Variants in RETREG3 observed in about 807,000 individuals in gnomAD.
RETREG3 encodes the protein reticulophagy regulator 3.
Under a neutral mutation model 50.2 loss-of-function variants are expected in RETREG3, and 23 were observed. The ratio of observed to expected loss-of-function variants is 0.46; its 90% confidence interval spans 0.33 to 0.65. The LOEUF (loss-of-function observed/expected upper bound fraction) is 0.65, where lower values mean the gene tolerates loss of function less well. RETREG3 is among the 30% of genes least tolerant of loss of function. The pLI is 0.02. For synonymous variants in RETREG3, 240 were observed against 234.4 expected, an observed-to-expected ratio of 1.02 and a Z score of -0.22; for missense variants, 546 against 598.0, an observed-to-expected ratio of 0.91 and a Z score of 0.91.
At chr17:42,604,694 C>CAAAAAAAAAAAAAA (rs1007735904) in intron 1 of RETREG3, among the ~76,000 whole-genome samples, 1 of 44,516 alleles carries the variant, frequency 2.2e-5, no homozygotes, top group Non-Finnish European at 4.6e-5. Context: ...GATTCCCCAG[C>CAAAAAAAAAAAAAA]AAAAAAAAAA....
Position 42,587,850 on chromosome 17 carries a change from C to T in RETREG3, c.361G>A (p.Ala121Thr). The T allele has an allele frequency of 6.2e-7, 1 of 1,614,110 alleles. No homozygotes were observed. Among genetic ancestry groups the T allele is most frequent in the Non-Finnish European group, 8.5e-7 (1 of 1,180,004 alleles). The part of the protein sequence containing the change: ...WPEIKVPRPD[A>T]LDNESWGFVH... ...GTTCCATACCTCTCATTGTCTAATG[C>T]GTCGGGTCTTGGCACTACAATATTA... Residue 121 changes from alanine to threonine, a missense_variant, in exon 3 of 9, where the codon GCA becomes ACA. By Grantham distance (58) the Ala-to-Thr change is moderately conservative. Transcript: ENST00000309428.
rs1446006400 is a variant in RETREG3 at position 42,582,041 on chromosome 17, G to A, written c.1173C>T (p.Ser391=). The change falls in exon 9 of 9, where the codon TCC becomes TCT. Residue 391 remains serine, a synonymous_variant. Transcript: ENST00000309428. ...ELLLGALPVG[S]NLTSNLASLV... is the part of the protein sequence containing the mutation. ...GGCTGGCAAGGTTGCTGGTGAGGTT[G>A]GATCCTACAGGAAGAGCACCAAGCA... The A allele has an allele frequency of 6.2e-7, 1 of 1,613,998 alleles. No homozygotes were observed. The highest frequency in any genetic ancestry group is 1.3e-5 in the African/African-American group (1 of 74,908).
rs1314865359 is a variant in RETREG3, at chr17:42,581,150, G to A, written c.*663C>T. The A allele has an allele frequency of 6.6e-6, 1 of 152,096 alleles. No individual in the cohort carries two copies. Among genetic ancestry groups the A allele is most frequent in the Admixed American group, 6.6e-5 (1 of 15,240 alleles). The allele number at this position is 152,096 out of a possible 1,614,324, so 9.4% of individuals were successfully genotyped here. A position where few individuals can be genotyped will look rare whatever the true frequency, so the allele number is the denominator to read the frequency against. The stretch of plus-strand genomic sequence containing the variant: ...GGCCAAGGCAGTCAGCTCACTTGAG[G>A]TCAGGAGTTTGAGACCAGCCTGGCC... On this transcript the variant is annotated 3_prime_UTR_variant, in exon 9 of 9. Transcript: ENST00000309428.
intron 2 of RETREG3, among the ~76,000 whole-genome samples, chr17:42,588,461 G>C (rs890565197): frequency 6.6e-6 from 1 of 151,526 alleles, no homozygotes; most frequent in Non-Finnish European, 1.5e-5. Context: ...CCAGGCTGGA[G>C]TGCAGTGGCG....
chr17:42,604,694 CAAAAAAAAAAA>C (rs1007735904), intron 1 of RETREG3, among the ~76,000 whole-genome samples: 9 of 44,514 alleles, frequency 2.0e-4, no homozygotes, highest in East Asian at 6.6e-4. Flanking sequence ...GATTCCCCAG[CAAAAAAAAAAA>C]AAAAAAAAAA....
At chr17:42,606,854 G>A (rs894088385) in intron 1 of RETREG3, among the ~76,000 whole-genome samples, 1 of 151,872 alleles carries the variant, frequency 6.6e-6, no homozygotes, top group African/African-American at 2.4e-5. Context: ...AAATTAGCCA[G>A]GCATTGGTGG....
At chr17:42,606,710 G>A (rs1260078631) in intron 1 of RETREG3, among the ~76,000 whole-genome samples, 1 of 152,106 alleles carries the variant, frequency 6.6e-6, no homozygotes, top group Non-Finnish European at 1.5e-5. Flanking sequence ...TCCATTTAAG[G>A]CCCGGTACAG....
rs775295149 is a variant in RETREG3 at position 42,585,131 on chromosome 17, T to C, written c.721A>G (p.Arg241Gly). 1.8e-5 allele frequency: 29 copies of C among 1,612,892 alleles called. No individual in the cohort carries two copies. In the African/African-American group the frequency reaches 2.5e-4, roughly 14 times the overall value. ...ATGACACCATGACACTTACATTGTC[T>C]CTCTCTCTGCTTGGACATCATGTAG... ...RGYMMSKQRE[R>G]QLRRRALHPE... The change falls in exon 6 of 9, where the codon AGA (arginine) becomes GGA (glycine). Residue 241 changes from arginine to glycine, a missense_variant. By Grantham distance (125) the Arg-to-Gly change is moderately radical. Coordinates refer to ENST00000309428, the MANE Select transcript of RETREG3 (RefSeq NM_178126.4).
rs536286555 is a variant in RETREG3, at chr17:42,585,980, C to T, written c.589+73G>A. On this transcript the variant is annotated intron_variant, in intron 5 of 8. Transcript: ENST00000309428. ...TTGAAATATAACAGTCCTCTCCCCA[C>T]ACCTAGAGTTAGCCATAGTTGGAAA... 66 of 1,393,970 alleles carry T rather than the reference C, an allele frequency of 4.7e-5. No homozygotes were observed. The African/African-American group carries it at 9.2e-4, about 19-fold the overall frequency. The allele number at this position is 1,393,970 out of a possible 1,614,324, so 86.4% of individuals were successfully genotyped here. A position where few individuals can be genotyped will look rare whatever the true frequency, so the allele number is the denominator to read the frequency against.
intron 6 of RETREG3, 98 bp downstream of exon 6, chr17:42,585,027 C>T: frequency 1.4e-6 from 2 of 1,477,208 alleles, no homozygotes; most frequent in Non-Finnish European, 1.8e-6. Flanking sequence ...CTACCCCCGA[C>T]TTCCACTTTT....
At chr17:42,607,687 T>C (rs2093170685) in intron 1 of RETREG3, among the ~76,000 whole-genome samples, 1 of 151,194 alleles carries the variant, frequency 6.6e-6, no homozygotes, top group Non-Finnish European at 1.5e-5. Context: ...ATGCCTGTAA[T>C]CCCAGCTACT....
chr17:42,585,043 C>G, intron 6 of RETREG3, 82 bp downstream of exon 6: 1 of 1,546,298 alleles, frequency 6.5e-7, no homozygotes, highest in Non-Finnish European at 8.8e-7. Flanking sequence ...CTTTTGAGGA[C>G]CCACCCAGTA....
chr17:42,608,741 C>G (rs570260797), intron 1 of RETREG3: 1 of 250,904 alleles, frequency 4.0e-6, no homozygotes, highest in African/African-American at 2.2e-5. Flanking sequence ...CTTGAGCAGA[C>G]AAGAGAAAGG....
chr17:42,585,307 G>A (rs781370897), intron 5 of RETREG3, 45 bp from the exon 6 acceptor site: 3 of 1,602,070 alleles, frequency 1.9e-6, no homozygotes, highest in African/African-American at 1.3e-5. Context: ...AGAAGGGGCT[G>A]CAAAAAACAT....
chr17:42,592,337 ACTACTCTAC>A (rs1258867385), intron 1 of RETREG3, among the ~76,000 whole-genome samples, 175 bp from the exon 2 acceptor site: 1 of 152,228 alleles, frequency 6.6e-6, no homozygotes, highest in African/African-American at 2.4e-5. Flanking sequence ...CTGGACCTTA[ACTACTCTAC>A]CTATGGGGCA....
chr17:42,599,653 C>CA (rs71157649), intron 1 of RETREG3, among the ~76,000 whole-genome samples: 57,212 of 108,176 alleles, frequency 0.53, 14,231 homozygotes, highest in Non-Finnish European at 0.58. Context: ...GGCTCCGTCT[C>CA]AAAAAAAAAA....
In RETREG3 at chr17:42,609,293, G is replaced by A. The variant is rs765385432; in HGVS notation, c.32C>T (p.Pro11Leu). 1.2e-5 allele frequency: 20 copies of A among 1,602,708 alleles called. No individual in the cohort carries two copies. Among genetic ancestry groups the A allele is most frequent in the Non-Finnish European group, 1.6e-5 (19 of 1,179,696 alleles). The change falls in exon 1 of 9, where the codon CCA becomes CTA. Residue 11 changes from proline (P) to leucine (L), a missense_variant. By Grantham distance (98) the Pro-to-Leu change is moderately conservative. Transcript: ENST00000309428. MAEAEGVPTT[P>L]GPASGSTFRG... ...GAAAGTCGACCCCGAAGCCGGGCCT[G>A]GGGTCGTGGGAACCCCTTCGGCCTC...
chr17:42,597,555 T>TA (rs1555629772), intron 1 of RETREG3, among the ~76,000 whole-genome samples: 1 of 125,042 alleles, frequency 8.0e-6, no homozygotes, highest in Non-Finnish European at 1.7e-5. Context: ...CGTATATATA[T>TA]TTTTGTGTAT....
chr17:42,595,613 G>A (rs977604568), intron 1 of RETREG3, among the ~76,000 whole-genome samples: 6 of 151,182 alleles, frequency 4.0e-5, no homozygotes, highest in African/African-American at 9.7e-5. Flanking sequence ...AGGGATGGAC[G>A]GGAACAAGAA....
Sources: allele counts gnomAD v4.1 joint callset (sites outside exome capture counted in the v4.1 genomes callset), GRCh38; gene constraint gnomAD v4.1.1; transcripts MANE v1.5; gene names NCBI Gene and HGNC (gene_info 2026-07-23, HGNC 2026-07-21).